Variants in ADAMTSL2 observed in about 807,000 individuals in gnomAD.
ADAMTSL2 encodes the protein ADAMTS-like protein 2.
In ADAMTSL2, 55 loss-of-function variants were observed where a neutral mutation model predicts 117.0. The observed-to-expected ratio is 0.47, with a 90% CI of 0.38 to 0.59. ADAMTSL2 has a LOEUF of 0.59. Among genes scored for constraint, ADAMTSL2 ranks in the 20% least tolerant of loss-of-function variants. The pLI is 0.00. For synonymous variants in ADAMTSL2, 572 were observed against 566.4 expected, an observed-to-expected ratio of 1.01 and a Z score of -0.14; for missense variants, 1,182 against 1,354.5, an observed-to-expected ratio of 0.87 and a Z score of 2.00.
chr9:133,537,517 C>A lies in ADAMTSL2; in HGVS notation c.203C>A (p.Thr68Lys). Residue 68 changes from threonine to lysine, a missense_variant, in exon 3 of 19, where the codon ACA becomes AAA. This residue lies in a region of ADAMTSL2 where 372 missense variants were observed against 463.4 expected (regional missense o/e 0.80). Transcript: ENST00000651351. The part of the protein sequence containing the change: ...ACSRSCGGGV[T>K]SQERHCLQQR... ...TCCCGCAGTTGCGGGGGTGGGGTGA[C>A]ATCCCAGGAGCGGCACTGCCTGCAG... 1.5e-6 allele frequency: 2 copies of A among 1,349,782 alleles called. No homozygotes were observed. The highest frequency in any genetic ancestry group is 1.9e-6 in the Non-Finnish European group (2 of 1,041,972). 83.6% of individuals were successfully genotyped at this position (1,349,782 alleles called of 1,614,324 possible).
rs201842613 is a variant in ADAMTSL2 at position 133,537,447 on chromosome 9, G to A, written c.133G>A (p.Ala45Thr). ...CAATAGCCTGGAGGGGGGCACCGAC[G>A]CCACGGCCTTCTGGTGGGGGGAGTG... is the stretch of plus-strand genomic sequence containing the variant. Reference protein sequence around the residue: ...TSNSLEGGTDATAFWWGEWTK... With the variant: ...TSNSLEGGTDTTAFWWGEWTK... The change falls in exon 3 of 19, where the codon GCC becomes ACC. Residue 45 changes from alanine (A) to threonine (T), a missense_variant. Physicochemically the swap from Ala to Thr is moderately conservative, Grantham distance 58. Around this residue, in one of 3 missense-constraint regions of ADAMTSL2, gnomAD observed 372 missense variants for 463.4 expected, o/e 0.80. Coordinates refer to ENST00000651351, the MANE Select transcript of ADAMTSL2 (RefSeq NM_014694.4). The A allele has an allele frequency of 4.9e-5, 66 of 1,351,116 alleles. No homozygotes were observed. The highest frequency in any genetic ancestry group is 4.4e-5 in the Non-Finnish European group (46 of 1,043,150). The allele number at this position is 1,351,116 out of a possible 1,614,324, so 83.7% of individuals were successfully genotyped here. A position where few individuals can be genotyped will look rare whatever the true frequency, so the allele number is the denominator to read the frequency against.
rs928144839 is a variant in ADAMTSL2 at position 133,567,018 on chromosome 9, C to G, written c.1830C>G (p.Pro610=). The change falls in exon 13 of 19, where the codon CCC becomes CCG. Residue 610 remains proline, a synonymous_variant. Coordinates refer to ENST00000651351, the MANE Select transcript of ADAMTSL2 (RefSeq NM_014694.4). ...GCTACTGTGACGCCCTGACCCGTCC[C>G]GAGCCTGTCCACGAGTTCTGCGCTG... ...DDSYCDALTR[P]EPVHEFCAGR... is the part of the protein sequence containing the mutation. 1 of 1,611,214 alleles carries G rather than the reference C, an allele frequency of 6.2e-7. No homozygotes were observed. Among genetic ancestry groups the G allele is most frequent in the Non-Finnish European group, 8.5e-7 (1 of 1,179,662 alleles).
chr9:133,566,949 G>C lies in ADAMTSL2; in HGVS notation c.1761G>C (p.Ala587=). 1 of 1,608,262 alleles carries C rather than the reference G, an allele frequency of 6.2e-7. No homozygotes were observed. Among genetic ancestry groups the C allele is most frequent in the Non-Finnish European group, 8.5e-7 (1 of 1,178,022 alleles). ...TCCCCAACCCAGGGGTCATGTCTGC[G>C]TACGCCATGTGTGTCCGCTATGATG... is the stretch of plus-strand genomic sequence containing the variant. ...SATCTTGVMS[A]YAMCVRYDGV... The change falls in exon 13 of 19, where the codon GCG becomes GCC. Residue 587 remains alanine, a synonymous_variant. Coordinates refer to ENST00000651351, the MANE Select transcript of ADAMTSL2 (RefSeq NM_014694.4).
chr9:133,569,098 T>G (rs1405328576), intron 15 of ADAMTSL2, among the ~76,000 whole-genome samples: 1 of 152,016 alleles, frequency 6.6e-6, no homozygotes. Flanking sequence ...TGTCTCTCTG[T>G]GTCTGTCTTT....
At chr9:133,559,617 G>A (rs1431404738) in intron 11 of ADAMTSL2, among the ~76,000 whole-genome samples, 2 of 150,326 alleles carry the variant, frequency 1.3e-5, no homozygotes, top group Non-Finnish European at 3.0e-5. Flanking sequence ...CTCCCAAAGT[G>A]CTGGGATTAC....
chr9:133,539,883 G>T lies in ADAMTSL2; in HGVS notation c.412+10G>T. The stretch of plus-strand genomic sequence containing the variant: ...AAGCCTCTGTACCCGGGTACCTGCC[G>T]CCCTGGGGACCCACCTTGCAGGGAG... On this transcript the variant is annotated intron_variant, in intron 5 of 18. Transcript: ENST00000651351. The T allele has an allele frequency of 1.3e-6, 2 of 1,550,516 alleles. No homozygotes were observed. Among genetic ancestry groups the T allele is most frequent in the Non-Finnish European group, 1.7e-6 (2 of 1,146,780 alleles).
At chr9:133,568,874 G>A in intron 15 of ADAMTSL2, 116 bp downstream of exon 15, 1 of 1,358,838 alleles carries the variant, frequency 7.4e-7, no homozygotes, top group Non-Finnish European at 1.0e-6. Context: ...GGTCAAGAAT[G>A]TCCAACCAGC....
At chr9:133,545,286 AC>A (rs1346864446) in intron 8 of ADAMTSL2, among the ~76,000 whole-genome samples, 4 of 152,170 alleles carry the variant, frequency 2.6e-5, no homozygotes, top group Admixed American at 6.5e-5. Flanking sequence ...GGGTATAGGG[AC>A]GCTGTTCTTG....
In ADAMTSL2 at chr9:133,563,828, AGAGAGAGAGAGAGAGG is replaced by A. The variant is rs1299304562; in HGVS notation, c.1747+2549_1747+2564del. Among the ~76,000 whole-genome samples the A allele has an allele frequency of 3.4e-3, 289 of 85,576 alleles. 3 individuals carry two copies. The highest frequency in any genetic ancestry group is 8.1e-3 in the East Asian group (30 of 3,724). The allele number at this position is 85,576 out of a possible 152,430, so 56.1% of individuals were successfully genotyped here. On this transcript the variant is annotated intron_variant, in intron 12 of 18. Coordinates refer to ENST00000651351, the MANE Select transcript of ADAMTSL2 (RefSeq NM_014694.4). ...GAGAGAGAGAAAGGGGGAGAGAGAGAGAGAGAGAGAGAGAGGGAGAGAGAGAGAGAGAGAGGGAGAG... is the reference window on the plus strand; with the variant it reads ...GAGAGAGAGAAAGGGGGAGAGAGAGAGAGAGAGAGAGAGAGAGAGGGAGAG...
chr9:133,545,269 C>T (rs1294974645), intron 8 of ADAMTSL2, among the ~76,000 whole-genome samples: 4 of 152,164 alleles, frequency 2.6e-5, no homozygotes, highest in Non-Finnish European at 4.4e-5. Context: ...CTTTATGGGG[C>T]GGGCTTGGGT....
At chr9:133,541,054 G>A in intron 7 of ADAMTSL2, 53 bp downstream of exon 7, 2 of 1,581,854 alleles carry the variant, frequency 1.3e-6, no homozygotes, top group Non-Finnish European at 1.7e-6. Flanking sequence ...GGGAATCGGG[G>A]GTCCTGAGTG....
intron 1 of ADAMTSL2, 37 bp downstream of exon 1, chr9:133,534,954 C>T (rs2131083947): frequency 1.5e-6 from 2 of 1,367,774 alleles, no homozygotes; most frequent in East Asian, 3.1e-5. Flanking sequence ...CACGTTGCAG[C>T]GTCCACCAGG....
intron 12 of ADAMTSL2, among the ~76,000 whole-genome samples, chr9:133,565,830 C>T (rs1830958333): frequency 6.8e-6 from 1 of 147,438 alleles, no homozygotes; most frequent in Non-Finnish European, 1.5e-5. Context: ...CTGGGTCTGT[C>T]TCCCGTGGCC....
At chr9:133,553,452 T>C (rs1193581295) in intron 9 of ADAMTSL2, among the ~76,000 whole-genome samples, 1 of 152,158 alleles carries the variant, frequency 6.6e-6, no homozygotes, top group African/African-American at 2.4e-5. Flanking sequence ...TTGGGGTCCT[T>C]TACTTCCACA....
intron 17 of ADAMTSL2, among the ~76,000 whole-genome samples, chr9:133,571,457 GC>G (rs1173218371): frequency 2.2e-4 from 33 of 152,268 alleles, no homozygotes; most frequent in Middle Eastern, 3.4e-3. Context: ...CAAACTGGGT[GC>G]CCCCTCGCCC....
Position 133,567,164 on chromosome 9 carries a change from C to T in ADAMTSL2, c.1874+102C>T, listed in dbSNP as rs111347512. 6,041 of 1,442,624 alleles carry T rather than the reference C, an allele frequency of 4.2e-3. 206 individuals are homozygous for T. The African/African-American group carries it at 0.072, about 17-fold the overall frequency. The allele number at this position is 1,442,624 out of a possible 1,614,324, so 89.4% of individuals were successfully genotyped here. ...TACCCCCTGCCCCGTAGAGGTTCTT[C>T]GTGTGCAGGGCCGTGGGGGCTCTTC... On this transcript the variant is annotated intron_variant, in intron 13 of 18. Transcript: ENST00000651351.
At chr9:133,538,544 AG>A in intron 4 of ADAMTSL2, 120 bp downstream of exon 4, 3 of 1,134,908 alleles carry the variant, frequency 2.6e-6, no homozygotes, top group Non-Finnish European at 2.6e-6. Context: ...CTGCTCTTCA[AG>A]GAGAGCCCAG....
chr9:133,547,240 C>T, intron 9 of ADAMTSL2, 27 bp downstream of exon 9: 1 of 1,603,650 alleles, frequency 6.2e-7, no homozygotes, highest in South Asian at 1.1e-5. Flanking sequence ...CCTTGGGGGC[C>T]CCAGGGGCCC....
chr9:133,570,657 A>G, intron 17 of ADAMTSL2, 150 bp downstream of exon 17: 1 of 880,508 alleles, frequency 1.1e-6, no homozygotes, highest in Admixed American at 2.1e-5. Flanking sequence ...AAGCTTCTCA[A>G]CTCCACCACG....
Sources: allele counts gnomAD v4.1 joint callset (sites outside exome capture counted in the v4.1 genomes callset), GRCh38; gene constraint gnomAD v4.1.1; regional missense constraint gnomAD v4.1.1; transcripts MANE v1.5; gene names NCBI Gene and HGNC (gene_info 2026-07-23, HGNC 2026-07-21).